The following NKAIN2 variants were observed in gnomAD, a reference collection of about 807,000 sequenced individuals.
The protein encoded by NKAIN2 is sodium/potassium transporting ATPase interacting 2.
A neutral mutation model predicts 32.6 loss-of-function variants in NKAIN2; 14 were observed. The observed-to-expected ratio is 0.43, with a 90% confidence interval of 0.28 to 0.67. NKAIN2 has a LOEUF of 0.67. Among genes scored for constraint, NKAIN2 ranks in the 30% least tolerant of loss-of-function variants. The pLI is 0.17. For synonymous variants in NKAIN2, 80 were observed against 87.2 expected (o/e 0.92, Z 0.46); for missense variants, 198 against 258.3 (o/e 0.77, Z 1.60).
At chr6:124,571,961 C>A (rs886604339) in intron 3 of NKAIN2, among the ~76,000 whole-genome samples, 1 of 152,210 alleles carries the variant, frequency 6.6e-6, no homozygotes, top group Non-Finnish European at 1.5e-5. Context: ...CCCACTCACT[C>A]TGCCCTTCCA....
At chr6:123,804,782 G>C (rs905718550) in intron 1 of NKAIN2, among the ~76,000 whole-genome samples, 8 of 151,956 alleles carry the variant, frequency 5.3e-5, no homozygotes, top group Non-Finnish European at 1.2e-4. Flanking sequence ...GTCTAATTTA[G>C]ACTGTTTGAG....
chr6:124,559,133 A>G (rs1377748855), intron 3 of NKAIN2, among the ~76,000 whole-genome samples: 2 of 152,176 alleles, frequency 1.3e-5, no homozygotes, highest in Non-Finnish European at 2.9e-5. Context: ...CTTAATAAAT[A>G]TTTATTGGAC....
chr6:124,412,742 C>A (rs1037817546), intron 3 of NKAIN2, among the ~76,000 whole-genome samples: 2 of 152,192 alleles, frequency 1.3e-5, no homozygotes, highest in African/African-American at 4.8e-5. Context: ...TTACTGCTGT[C>A]TTTTGTTTGT....
intron 5 of NKAIN2, among the ~76,000 whole-genome samples, chr6:124,814,819 C>T (rs1007872436): frequency 6.6e-6 from 1 of 152,094 alleles, no homozygotes. Flanking sequence ...TTGGTTCACC[C>T]GAAGATCTTT....
chr6:124,240,080 A>G (rs553051313), intron 1 of NKAIN2, among the ~76,000 whole-genome samples: 1 of 152,320 alleles, frequency 6.6e-6, no homozygotes, highest in South Asian at 2.1e-4. Flanking sequence ...CTGATCCCAT[A>G]GAAATACAAA....
intron 3 of NKAIN2, among the ~76,000 whole-genome samples, chr6:124,452,955 C>A (rs1365878330): frequency 1.3e-5 from 2 of 151,966 alleles, no homozygotes; most frequent in Admixed American, 1.3e-4. Context: ...ACCTGCCAAG[C>A]AGTAGTTCTT....
At chr6:124,267,272 T>C (rs887410041) in intron 1 of NKAIN2, among the ~76,000 whole-genome samples, 3 of 152,168 alleles carry the variant, frequency 2.0e-5, no homozygotes, top group Non-Finnish European at 4.4e-5. Context: ...AACACCGTTT[T>C]CATGAAAGAT....
chr6:124,388,636 T>C (rs1773015524), intron 3 of NKAIN2, among the ~76,000 whole-genome samples: 1 of 152,134 alleles, frequency 6.6e-6, no homozygotes, highest in African/African-American at 2.4e-5. Flanking sequence ...ATTTACTTAA[T>C]AAAATTTTCT....
At chr6:124,111,319 A>G (rs533081018) in intron 1 of NKAIN2, among the ~76,000 whole-genome samples, 32 of 151,594 alleles carry the variant, frequency 2.1e-4, no homozygotes, top group African/African-American at 7.5e-4. Flanking sequence ...TCCTGCTATT[A>G]TTGTATTGTG....
chr6:124,663,439 A>G (rs923705329), intron 4 of NKAIN2, among the ~76,000 whole-genome samples: 1 of 152,144 alleles, frequency 6.6e-6, no homozygotes, highest in African/African-American at 2.4e-5. Flanking sequence ...TCAAAAAAAA[A>G]AAAGTTACAT....
intron 1 of NKAIN2, among the ~76,000 whole-genome samples, chr6:124,233,467 G>A (rs1274722497): frequency 6.6e-6 from 1 of 152,162 alleles, no homozygotes; most frequent in African/African-American, 2.4e-5. Context: ...GCCAAAGCAA[G>A]ATAACTAAAA....
intron 4 of NKAIN2, among the ~76,000 whole-genome samples, chr6:124,765,377 C>T (rs368329121): frequency 6.6e-6 from 1 of 152,302 alleles, no homozygotes; most frequent in East Asian, 1.9e-4. Context: ...GAGACCTCAA[C>T]AATCAAGAAG....
At chr6:124,310,330 G>C (rs1426150847) in intron 2 of NKAIN2, among the ~76,000 whole-genome samples, 3 of 151,912 alleles carry the variant, frequency 2.0e-5, no homozygotes, top group Admixed American at 2.0e-4. Flanking sequence ...TGCATAGAAT[G>C]GTATTGCTGA....
chr6:124,297,844 A>C (rs1038928853), intron 2 of NKAIN2, among the ~76,000 whole-genome samples: 1 of 151,990 alleles, frequency 6.6e-6, no homozygotes, highest in Non-Finnish European at 1.5e-5. Context: ...AAACCCTCAA[A>C]ATTTCATAAG....
At chr6:124,084,558 T>G (rs1224118877) in intron 1 of NKAIN2, among the ~76,000 whole-genome samples, 2 of 152,036 alleles carry the variant, frequency 1.3e-5, no homozygotes, top group East Asian at 3.9e-4. Flanking sequence ...GAATTGAAAT[T>G]TTTTTGTGTA....
chr6:123,947,311 G>A (rs235668), intron 1 of NKAIN2, among the ~76,000 whole-genome samples: 12,812 of 152,130 alleles, frequency 0.084, 1,709 homozygotes, highest in African/African-American at 0.28. Context: ...CTGAACATAT[G>A]TTTCCTTGTT....
At chr6:124,573,657 G>A (rs78531275) in intron 3 of NKAIN2, among the ~76,000 whole-genome samples, 4,576 of 152,080 alleles carry the variant, frequency 0.03, 107 homozygotes, top group African/African-American at 0.074. Flanking sequence ...GCAGAATAAT[G>A]TAGCGCAGCC....
chr6:124,420,965 A>G (rs1437869003), intron 3 of NKAIN2, among the ~76,000 whole-genome samples: 1 of 151,856 alleles, frequency 6.6e-6, no homozygotes, highest in Non-Finnish European at 1.5e-5. Flanking sequence ...CCACATGCAT[A>G]CGTGATATAA....
intron 4 of NKAIN2, among the ~76,000 whole-genome samples, chr6:124,729,587 A>C (rs7452074): frequency 0.59 from 88,291 of 149,094 alleles, 26,562 homozygotes; most frequent in East Asian, 0.71. Context: ...CTATGACAAA[A>C]CCACAGCCAA....
Sources: allele counts gnomAD v4.1 joint callset (sites outside exome capture counted in the v4.1 genomes callset), GRCh38; gene constraint gnomAD v4.1.1; transcripts MANE v1.5; gene names NCBI Gene and HGNC (gene_info 2026-07-23, HGNC 2026-07-21).